The following KRT72 variants were observed in gnomAD, a reference collection of about 807,000 sequenced individuals.
KRT72 encodes the protein keratin 72.
Under a neutral mutation model 44.7 loss-of-function variants are expected in KRT72, and 44 were observed. The ratio of observed to expected loss-of-function variants is 0.98; its 90% CI spans 0.77 to 1.27. The LOEUF (loss-of-function observed/expected upper bound fraction) is 1.27. Among genes scored for constraint, KRT72 ranks in the 50% most tolerant of loss-of-function variants. The pLI, the probability that KRT72 is intolerant of heterozygous loss-of-function variation, is 0.00. For synonymous variants in KRT72, 302 were observed against 280.4 expected (o/e 1.08, Z -0.77); for missense variants, 736 against 667.1 (o/e 1.10, Z -1.14).
At chr12:52,590,250 A>G (rs1444088436) in intron 6 of KRT72, among the ~76,000 whole-genome samples, 1 of 152,232 alleles carries the variant, frequency 6.6e-6, no homozygotes, top group Non-Finnish European at 1.5e-5. Flanking sequence ...GCACTAGTGC[A>G]GGAAGGCCCC....
chr12:52,594,863 T>C (rs1298729613), intron 2 of KRT72, among the ~76,000 whole-genome samples: 2 of 152,216 alleles, frequency 1.3e-5, no homozygotes, highest in South Asian at 2.1e-4. Flanking sequence ...AGTTATGCTA[T>C]ATAAAACACA....
intron 1 of KRT72, among the ~76,000 whole-genome samples, chr12:52,599,636 C>A (rs897483347): frequency 2.6e-5 from 4 of 152,168 alleles, no homozygotes; most frequent in African/African-American, 9.7e-5. Context: ...TGCCACACAC[C>A]AGCATTCCTC....
Position 52,587,658 on chromosome 12 carries a change from C to T in KRT72, c.1283G>A (p.Arg428His), listed in dbSNP as rs11170183. 1.8e-5 allele frequency: 29 copies of T among 1,613,886 alleles called. No homozygotes were observed. The highest frequency in any genetic ancestry group is 3.3e-5 in the South Asian group (3 of 91,090). ...LALDMEIATY[R>H]KLLESEECRM... ...GCACTCCTCGCTCTCCAGCAGCTTG[C>T]GGTAGGTGGCGATCTCCATATCCAG... Residue 428 changes from arginine (R) to histidine (H), a missense_variant, in exon 7 of 9, where the codon CGC becomes CAC. Arg to His is a conservative substitution (Grantham distance 29, BLOSUM62 0). Transcript: ENST00000293745.
At chr12:52,587,108 T>G in intron 7 of KRT72, 128 bp from the exon 8 acceptor site, 1 of 822,452 alleles carries the variant, frequency 1.2e-6, no homozygotes, top group Non-Finnish European at 2.1e-6. Flanking sequence ...GCCTCCTTTC[T>G]TCCCACACAT....
At chr12:52,596,144 T>A (rs568112404) in intron 2 of KRT72, among the ~76,000 whole-genome samples, 2 of 152,134 alleles carry the variant, frequency 1.3e-5, no homozygotes, top group Non-Finnish European at 2.9e-5. Flanking sequence ...GTGTCAATCA[T>A]GCAGCATGTT....
rs780591788 is a variant in KRT72, at chr12:52,586,170, C to T, written c.1348G>A (p.Val450Ile). ...GEYPNSVSIS[V>I]ISSTNAGAGG... ...GCCCCAGCATTGGTGCTGCTGATGACGGCTGGAATGGATGAGAGAAGACCT... is the reference window on the plus strand; with the variant it reads ...GCCCCAGCATTGGTGCTGCTGATGATGGCTGGAATGGATGAGAGAAGACCT... Residue 450 changes from valine to isoleucine, a missense_variant and splice_region_variant, in exon 9 of 9, where the codon GTC (valine) becomes ATC (isoleucine). Val to Ile is a conservative substitution (Grantham distance 29, BLOSUM62 3). Transcript: ENST00000293745. The T allele has an allele frequency of 1.4e-5, 22 of 1,612,698 alleles. No homozygotes were observed. Among genetic ancestry groups the T allele is most frequent in the African/African-American group, 1.1e-4 (8 of 74,910 alleles).
chr12:52,597,341 T>A (rs939084015), intron 2 of KRT72, among the ~76,000 whole-genome samples: 2 of 152,174 alleles, frequency 1.3e-5, no homozygotes, highest in Admixed American at 6.5e-5. Context: ...GGAAGGCAAA[T>A]GCACTGAAAA....
intron 6 of KRT72, among the ~76,000 whole-genome samples, chr12:52,589,939 T>C (rs992752570): frequency 2.0e-5 from 3 of 152,222 alleles, no homozygotes; most frequent in Non-Finnish European, 4.4e-5. Context: ...TTAAGTTATT[T>C]AATGCTGGTC....
At chr12:52,587,302 C>T (rs1215623004) in intron 7 of KRT72, among the ~76,000 whole-genome samples, 1 of 152,180 alleles carries the variant, frequency 6.6e-6, no homozygotes, top group Non-Finnish European at 1.5e-5. Context: ...ATTGGAGCCC[C>T]AGGCTTTGCT....
chr12:52,602,142 G>A (rs1459528747), upstream of KRT72, among the ~76,000 whole-genome samples: 20 of 152,146 alleles, frequency 1.3e-4, no homozygotes, highest in Non-Finnish European at 2.9e-4. Context: ...AAGCATTTCT[G>A]GACTAAGAAT....
rs1002750754 is a variant in KRT72 at position 52,585,905 on chromosome 12, A to G, written c.*77T>C. 1 of 1,325,536 alleles carries G rather than the reference A, an allele frequency of 7.5e-7. No individual in the cohort carries two copies. The highest frequency in any genetic ancestry group is 1.1e-6 in the Non-Finnish European group (1 of 945,382). The allele number at this position is 1,325,536 out of a possible 1,614,324, so 82.1% of individuals were successfully genotyped here. On this transcript the variant is annotated 3_prime_UTR_variant, in exon 9 of 9. Transcript: ENST00000293745. ...CAGACAAAGCATTTCTTGACTTGGA[A>G]AGGGAGCCCAGGGAAGGAGAGGGAG... is the stretch of plus-strand genomic sequence containing the variant.
At chr12:52,588,268 C>T (rs948968873) in intron 6 of KRT72, among the ~76,000 whole-genome samples, 10 of 152,228 alleles carry the variant, frequency 6.6e-5, no homozygotes, top group African/African-American at 2.4e-4. Context: ...ATGGGGAAAA[C>T]ATGAGGGCTA....
chr12:52,600,533 T>C (rs78561158), intron 1 of KRT72, among the ~76,000 whole-genome samples: 3,174 of 152,238 alleles, frequency 0.021, 52 homozygotes, highest in Non-Finnish European at 0.031. Flanking sequence ...AAATGAATCA[T>C]AGGGGCCGGT....
rs1301813739 is a variant in KRT72 at position 52,591,615 on chromosome 12, A to T, written c.812T>A (p.Ile271Asn). Reference protein sequence around the residue: ...KCLYEGEITQIQSHISDTSIV... With the variant: ...KCLYEGEITQNQSHISDTSIV... ...GGACGTGTCGCTGATGTGGGACTGGATCTGAGTGATCTCCTGGGGACGGTT... is the reference window on the plus strand; with the variant it reads ...GGACGTGTCGCTGATGTGGGACTGGTTCTGAGTGATCTCCTGGGGACGGTT... Residue 271 changes from isoleucine to asparagine, a missense_variant, in exon 5 of 9, where the codon ATC becomes AAC. Ile to Asn is a moderately radical substitution (Grantham distance 149). Transcript: ENST00000293745. The T allele has an allele frequency of 1.2e-6, 2 of 1,611,550 alleles. No homozygotes were observed. The highest frequency in any genetic ancestry group is 1.7e-6 in the Non-Finnish European group (2 of 1,178,040).
At chr12:52,586,869 T>C (rs1939773919) in intron 8 of KRT72, 77 bp downstream of exon 8, 8 of 1,382,040 alleles carry the variant, frequency 5.8e-6, no homozygotes, top group Non-Finnish European at 8.3e-6. Context: ...CTGATTTCTC[T>C]TTTGTGTCAT....
intron 4 of KRT72, 123 bp from the exon 5 acceptor site, chr12:52,591,751 C>G (rs1940040248): frequency 3.2e-6 from 3 of 934,680 alleles, no homozygotes; most frequent in Admixed American, 4.9e-5. Flanking sequence ...AACTCTGCCT[C>G]AGCACCAGTG....
rs531231002 is a variant in KRT72, at chr12:52,601,331, G to A, written c.122C>T (p.Ser41Leu). ...GAGGCTCTTGCTGCCAAAGGAGGCC[G>A]AGCCCTTGACCCGGGCCCGGAATGA... ...SASFRARVKG[S>L]ASFGSKSLSC... Residue 41 changes from serine to leucine, a missense_variant, in exon 1 of 9, where the codon TCG becomes TTG. Ser to Leu is a moderately radical substitution (Grantham distance 145). Transcript: ENST00000293745. 43 of 1,545,472 alleles carry A rather than the reference G, an allele frequency of 2.8e-5. 2 individuals are homozygous for A. The South Asian group carries it at 5.0e-4, about 18-fold the overall frequency.
chr12:52,593,020 C>T, intron 2 of KRT72, 68 bp from the exon 3 acceptor site: 4 of 1,440,118 alleles, frequency 2.8e-6, no homozygotes, highest in Non-Finnish European at 3.8e-6. Flanking sequence ...GTGACCACCT[C>T]TGTGCTGAGA....
chr12:52,594,864 A>G (rs1366430469), intron 2 of KRT72, among the ~76,000 whole-genome samples: 4 of 152,240 alleles, frequency 2.6e-5, no homozygotes, highest in Non-Finnish European at 5.9e-5. Context: ...GTTATGCTAT[A>G]TAAAACACAC....
Sources: gnomAD v4.1 joint callset for allele counts (sites outside exome capture counted in the v4.1 genomes callset) on GRCh38, gnomAD v4.1.1 for gene constraint, MANE v1.5 for transcripts, NCBI Gene and HGNC (gene_info 2026-07-23, HGNC 2026-07-21) for gene names.